PRIM2: variants seen among roughly 807,000 people sequenced by gnomAD.
PRIM2 encodes DNA primase large subunit.
A neutral mutation model predicts 67.3 loss-of-function variants in PRIM2; 39 were observed. The observed-to-expected ratio is 0.58, with a 90% CI of 0.45 to 0.76. PRIM2 has a LOEUF of 0.76. PRIM2 is among the 30% of genes least tolerant of loss of function. PRIM2 has a pLI of 0.00. For missense variants in PRIM2, 398 were observed against 598.7 expected, an observed-to-expected ratio of 0.66 and a Z score of 3.50; for synonymous variants, 143 against 198.7, an observed-to-expected ratio of 0.72 and a Z score of 2.36.
intron 12 of PRIM2, among the ~76,000 whole-genome samples, chr6:57,612,796 T>C (rs1776690027): frequency 6.7e-6 from 1 of 148,682 alleles, no homozygotes; most frequent in African/African-American, 2.5e-5. Context: ...TTTTCGCCTT[T>C]TTTTTTTTTT....
chr6:57,456,046 G>T (rs1381964297), intron 7 of PRIM2, among the ~76,000 whole-genome samples: 43 of 152,164 alleles, frequency 2.8e-4, no homozygotes, highest in Non-Finnish European at 5.4e-4. Flanking sequence ...CACTTATGAA[G>T]CTTAGTTTGG....
chr6:57,525,636 T>C (rs1165381103), intron 8 of PRIM2, among the ~76,000 whole-genome samples: 10 of 152,206 alleles, frequency 6.6e-5, no homozygotes, highest in Admixed American at 5.9e-4. Flanking sequence ...TCTAGGATCC[T>C]GTAGTCTGTG....
chr6:57,295,047 T>G, the PRIM2 span, among the ~76,000 whole-genome samples: 1 of 152,136 alleles, frequency 6.6e-6, no homozygotes, highest in Non-Finnish European at 1.5e-5. Context: ...GACTTCAGCA[T>G]CCCAAAATGC....
chr6:57,529,602 G>A (rs1303648795), intron 8 of PRIM2, among the ~76,000 whole-genome samples: 5 of 152,088 alleles, frequency 3.3e-5, no homozygotes, highest in African/African-American at 9.7e-5. Context: ...TGTCAGAAAG[G>A]TGTCACTCAA....
intron 8 of PRIM2, among the ~76,000 whole-genome samples, chr6:57,511,329 A>G (rs1299905493): frequency 6.6e-6 from 1 of 152,218 alleles, no homozygotes; most frequent in Non-Finnish European, 1.5e-5. Flanking sequence ...TTAATTCATT[A>G]GTATTGTCCA....
chr6:57,382,492 G>A (rs560761626), intron 7 of PRIM2: 54 of 185,820 alleles, frequency 2.9e-4, no homozygotes, highest in African/African-American at 1.2e-3. Flanking sequence ...TTAACAATTA[G>A]TGTGGCCTGT....
rs1156576933 is a variant in PRIM2 at position 57,642,435 on chromosome 6, C to CTTTTTTTTTTTTTTTTTTTT, written c.1300-3487_1300-3468dup. On this transcript the variant is annotated intron_variant, in intron 13 of 13. Transcript: ENST00000615550. ...TATGCACATACCTTAAATATTATATCTTTTTTTTTTTTTTTTTTTTTTTTT... is the reference window on the plus strand; with the variant it reads ...TATGCACATACCTTAAATATTATATCTTTTTTTTTTTTTTTTTTTTTTTTTTTTTTTTTTTTTTTTTTTTT... Among the ~76,000 whole-genome samples, 8 of 83,184 alleles carry CTTTTTTTTTTTTTTTTTTTT rather than the reference C, an allele frequency of 9.6e-5. 1 individual carries two copies. Among genetic ancestry groups the CTTTTTTTTTTTTTTTTTTTT allele is most frequent in the Non-Finnish European group, 1.3e-4 (6 of 47,412 alleles). 54.6% of individuals were successfully genotyped at this position (83,184 alleles called of 152,430 possible).
At chr6:57,450,482 C>G (rs1229488561) in intron 7 of PRIM2, among the ~76,000 whole-genome samples, 1 of 152,280 alleles carries the variant, frequency 6.6e-6, no homozygotes, top group African/African-American at 2.4e-5. Context: ...TAATAGTTTT[C>G]CAGTTAAGTA....
chr6:57,635,850 T>C lies in PRIM2; in HGVS notation c.1299+3649T>C, dbSNP rs1455772551. Among the ~76,000 whole-genome samples, 15 of 152,308 alleles carry C rather than the reference T, an allele frequency of 9.8e-5. 1 individual carries two copies. Among genetic ancestry groups the C allele is most frequent in the Admixed American group, 5.9e-4 (9 of 15,294 alleles). On this transcript the variant is annotated intron_variant, in intron 13 of 13. Transcript: ENST00000615550. ...CATGCCCCATTCCAATTCTTTCTCC[T>C]CCACACAGCTGCTGGAGTGACCTTT...
chr6:57,608,214 A>G (rs1285735057), intron 12 of PRIM2, among the ~76,000 whole-genome samples: 8 of 152,300 alleles, frequency 5.3e-5, no homozygotes, highest in Admixed American at 5.2e-4. Flanking sequence ...GTAGTGAAGT[A>G]TCACAAAAGT....
chr6:57,340,512 A>T (rs1342861021), intron 5 of PRIM2, among the ~76,000 whole-genome samples: 11 of 152,222 alleles, frequency 7.2e-5, no homozygotes, highest in Non-Finnish European at 1.5e-4. Flanking sequence ...TACACCATGG[A>T]ATACTATGCA....
At position 57,333,663 on chromosome 6, in the gene PRIM2, T is replaced by A. The variant is rs539003065; in HGVS notation, c.459+7618T>A. 2.1e-3 allele frequency among the ~76,000 whole-genome samples: 314 copies of A among 152,284 alleles called. 1 individual carries two copies. Among genetic ancestry groups the A allele is most frequent in the Non-Finnish European group, 3.5e-3 (237 of 68,012 alleles). ...TCTGGATTGGTACTCTTATTTTCTT[T>A]TCGGTCCTGACATTCAATCTTTGTG... On this transcript the variant is annotated intron_variant, in intron 5 of 13. Transcript: ENST00000615550.
At chr6:57,592,714 C>T in intron 10 of PRIM2, among the ~76,000 whole-genome samples, 1 of 151,928 alleles carries the variant, frequency 6.6e-6, no homozygotes, top group South Asian at 2.1e-4. Flanking sequence ...TGGCTTGAAC[C>T]TGGGAGGCGG....
intron 5 of PRIM2, among the ~76,000 whole-genome samples, chr6:57,374,572 G>C (rs1408335314): frequency 2.0e-5 from 3 of 149,026 alleles, no homozygotes; most frequent in Non-Finnish European, 4.4e-5. Context: ...GATTACAGGC[G>C]TGAGCCACCG....
chr6:57,352,030 C>T (rs2127301337), intron 5 of PRIM2, among the ~76,000 whole-genome samples: 1 of 152,206 alleles, frequency 6.6e-6, no homozygotes, highest in South Asian at 2.1e-4. Context: ...TAGAGCTTGG[C>T]AGGCATATAG....
At chr6:57,472,734 T>C (rs1773368545) in intron 7 of PRIM2, among the ~76,000 whole-genome samples, 1 of 152,228 alleles carries the variant, frequency 6.6e-6, no homozygotes, top group Non-Finnish European at 1.5e-5. Context: ...AATAGGCCAT[T>C]GTGAAAGTTG....
intron 5 of PRIM2, among the ~76,000 whole-genome samples, chr6:57,332,142 A>G (rs1768075611): frequency 6.6e-6 from 1 of 151,928 alleles, no homozygotes; most frequent in African/African-American, 2.4e-5. Flanking sequence ...ACTTTGACAC[A>G]TTGATTAGAA....
intron 7 of PRIM2, among the ~76,000 whole-genome samples, chr6:57,492,542 TAA>T (rs1446103302): frequency 6.8e-6 from 1 of 146,840 alleles, no homozygotes. Context: ...GAACTCTCTC[TAA>T]AAAAAAAAAA....
intron 7 of PRIM2, among the ~76,000 whole-genome samples, chr6:57,484,078 C>G (rs1356864753): frequency 1.3e-5 from 2 of 152,148 alleles, no homozygotes; most frequent in African/African-American, 4.8e-5. Flanking sequence ...ATACCACATG[C>G]TATTTCGTGT....
Sources: gnomAD v4.1 joint callset for allele counts (sites outside exome capture counted in the v4.1 genomes callset) on GRCh38, gnomAD v4.1.1 for gene constraint, MANE v1.5 for transcripts, NCBI Gene and HGNC (gene_info 2026-07-23, HGNC 2026-07-21) for gene names.